Variants in DLC1 observed in about 807,000 individuals in gnomAD.
DLC1 encodes the protein DLC1 Rho GTPase activating protein, also known as rho GTPase-activating protein 7.
Under a neutral mutation model 140.3 loss-of-function variants are expected in DLC1, and 54 were observed. The observed-to-expected ratio is 0.38, with a 90% CI of 0.31 to 0.48. The LOEUF (loss-of-function observed/expected upper bound fraction) is 0.48. DLC1 is among the 20% of genes least tolerant of loss of function. The probability of loss-of-function intolerance (pLI) is 0.96; values close to 1 mark genes in which losing one functional copy is unlikely to be tolerated. For missense variants in DLC1, 2,536 were observed against 1,907.0 expected, an observed-to-expected ratio of 1.33 and a Z score of -6.14; for synonymous variants, 986 against 728.1, an observed-to-expected ratio of 1.35 and a Z score of -5.70.
intron 1 of DLC1, among the ~76,000 whole-genome samples, chr8:13,503,621 G>A (rs143162673): frequency 8.5e-4 from 130 of 152,304 alleles, no homozygotes; most frequent in African/African-American, 2.9e-3. Context: ...AGAGAGCAAG[G>A]TGCAGATGAA....
chr8:13,260,584 T>A (rs920760295), intron 5 of DLC1, among the ~76,000 whole-genome samples: 8 of 151,906 alleles, frequency 5.3e-5, no homozygotes, highest in African/African-American at 1.2e-4. Context: ...GTTGGAAATA[T>A]AGAAATAGAG....
At chr8:13,515,629 G>C (rs1172119423), upstream of DLC1, 2 of 152,076 alleles carry the variant, frequency 1.3e-5, no homozygotes, top group Non-Finnish European at 2.9e-5. Flanking sequence ...TGCATCCTTC[G>C]TCCGTCACAA....
chr8:13,494,770 G>A (rs1801424980), intron 2 of DLC1, among the ~76,000 whole-genome samples: 1 of 152,084 alleles, frequency 6.6e-6, no homozygotes. Flanking sequence ...GGCCAACATG[G>A]CGAAACCCCA....
chr8:13,102,453 C>T (rs988432389), intron 8 of DLC1, among the ~76,000 whole-genome samples: 2 of 152,168 alleles, frequency 1.3e-5, no homozygotes, highest in Non-Finnish European at 2.9e-5. Flanking sequence ...TGGAAATAAA[C>T]CTCAGTTTAT....
chr8:13,137,596 TG>T (rs1822665767), intron 5 of DLC1, among the ~76,000 whole-genome samples: 1 of 127,830 alleles, frequency 7.8e-6, no homozygotes, highest in Admixed American at 9.1e-5. Flanking sequence ...CATCAGTTTT[TG>T]GTTTTGTTTT....
chr8:13,393,736 T>G, intron 3 of DLC1, 43 bp from the exon 4 acceptor site: 2 of 1,585,084 alleles, frequency 1.3e-6, no homozygotes, highest in Non-Finnish European at 1.7e-6. Flanking sequence ...CATGTGAATG[T>G]TCCCAAATGC....
At chr8:13,588,516 C>A (rs1030554697) in intron 1 of DLC1, among the ~76,000 whole-genome samples, 1 of 152,002 alleles carries the variant, frequency 6.6e-6, no homozygotes, top group Non-Finnish European at 1.5e-5. Flanking sequence ...AAATGAATTC[C>A]ACTGCAAGAA....
rs184122479 is a variant in DLC1 at position 13,127,384 on chromosome 8, A to G, written c.1349-11727T>C. 4.3e-4 allele frequency among the ~76,000 whole-genome samples: 66 copies of G among 152,350 alleles called. No individual in the cohort carries two copies. In the East Asian group the frequency reaches 9.8e-3, roughly 23 times the overall value. ...AGCCGCCCCTCAGTCGGGAAAAGGCACTGGTTTTCCAGGCTGCCTTTGCCA... is the reference window on the plus strand; with the variant it reads ...AGCCGCCCCTCAGTCGGGAAAAGGCGCTGGTTTTCCAGGCTGCCTTTGCCA... On this transcript the variant is annotated intron_variant, in intron 5 of 17. Transcript: ENST00000276297.
chr8:13,390,984 C>CAAAAAAAA (rs1430798740), intron 4 of DLC1, among the ~76,000 whole-genome samples: 1 of 71,074 alleles, frequency 1.4e-5, no homozygotes, highest in African/African-American at 5.6e-5. Flanking sequence ...GACTCCGTCT[C>CAAAAAAAA]AAAAAAAAAA....
intron 4 of DLC1, among the ~76,000 whole-genome samples, chr8:13,338,410 C>G (rs1192647405): frequency 1.3e-5 from 2 of 152,086 alleles, no homozygotes; most frequent in Non-Finnish European, 2.9e-5. Context: ...CTGCATTGGG[C>G]CCTTGCTTGA....
intron 2 of DLC1, among the ~76,000 whole-genome samples, chr8:13,430,191 G>T (rs376371741): frequency 5.9e-5 from 9 of 152,178 alleles, no homozygotes; most frequent in African/African-American, 1.9e-4. Flanking sequence ...GAGCGCATGA[G>T]TCTTCTGGGA....
chr8:13,095,189 A>G lies in DLC1; in HGVS notation c.3224T>C (p.Val1075Ala). Reference protein sequence around the residue: ...IKVPDYKDRSVFGVPLTVNVQ... With the variant: ...IKVPDYKDRSAFGVPLTVNVQ... ...GTTGACCGTCAGTGGGACCCCAAAC[A>G]CACTCCGGTCCTTGTAGTCTGGAAC... Residue 1075 changes from valine (V) to alanine (A), a missense_variant, in exon 11 of 18, where the codon GTG becomes GCG. Coordinates refer to ENST00000276297, the MANE Select transcript of DLC1 (RefSeq NM_182643.3). 5 of 1,614,208 alleles carry G rather than the reference A, an allele frequency of 3.1e-6. No homozygotes were observed. The highest frequency in any genetic ancestry group is 4.2e-6 in the Non-Finnish European group (5 of 1,180,042).
At chr8:13,413,518 G>A (rs1450735694) in intron 2 of DLC1, among the ~76,000 whole-genome samples, 2 of 149,536 alleles carry the variant, frequency 1.3e-5, no homozygotes, top group South Asian at 2.1e-4. Context: ...ATATATACAC[G>A]TATATGCACA....
At chr8:13,152,834 A>AAAAAAAAC (rs1379296768) in intron 5 of DLC1, among the ~76,000 whole-genome samples, 35 of 150,744 alleles carry the variant, frequency 2.3e-4, no homozygotes, top group African/African-American at 7.5e-4. Context: ...GAAAAAAAAA[A>AAAAAAAAC]AAAAAGCAAC....
intron 5 of DLC1, among the ~76,000 whole-genome samples, chr8:13,177,938 C>A (rs1357391077): frequency 2.0e-5 from 3 of 152,020 alleles, no homozygotes; most frequent in Non-Finnish European, 4.4e-5. Context: ...AAAAAGGGGA[C>A]TTGACACTTA....
At chr8:13,133,289 T>G in intron 5 of DLC1, 1 of 1,278,156 alleles carries the variant, frequency 7.8e-7, no homozygotes. Flanking sequence ...CGGAGCGAAC[T>G]GTCTCCCGCG....
chr8:13,295,938 C>CTTTTTTTTTTT lies in DLC1; in HGVS notation c.1348+9330_1348+9331insAAAAAAAAAAA, dbSNP rs34697767. 2.2e-4 allele frequency among the ~76,000 whole-genome samples: 12 copies of CTTTTTTTTTTT among 53,342 alleles called. 3 individuals are homozygous for CTTTTTTTTTTT. Among genetic ancestry groups the CTTTTTTTTTTT allele is most frequent in the South Asian group, 1.5e-3 (2 of 1,336 alleles). 35.0% of individuals were successfully genotyped at this position (53,342 alleles called of 152,430 possible). ...ATCTAAGAGATGATCAGATAAGATT[C>CTTTTTTTTTTT]TTTGTTTTTTTTTTTTTTTTTTTTT... On this transcript the variant is annotated intron_variant, in intron 5 of 17. Coordinates refer to ENST00000276297, the MANE Select transcript of DLC1 (RefSeq NM_182643.3).
chr8:13,602,501 T>A (rs1805921811), intron 1 of DLC1, among the ~76,000 whole-genome samples: 1 of 151,752 alleles, frequency 6.6e-6, no homozygotes, highest in Non-Finnish European at 1.5e-5. Context: ...ACTAAAATAT[T>A]TACAAATAAA....
At chr8:13,144,859 A>T (rs1823300960) in intron 5 of DLC1, among the ~76,000 whole-genome samples, 1 of 152,202 alleles carries the variant, frequency 6.6e-6, no homozygotes, top group Admixed American at 6.5e-5. Context: ...TGACTAATAC[A>T]GACCCCTAAG....
Sources: gnomAD v4.1 joint callset for allele counts (sites outside exome capture counted in the v4.1 genomes callset) on GRCh38, gnomAD v4.1.1 for gene constraint, MANE v1.5 for transcripts, NCBI Gene and HGNC (gene_info 2026-07-23, HGNC 2026-07-21) for gene names.